The following MYT1L variants were observed in gnomAD, a reference collection of about 807,000 sequenced individuals.
MYT1L encodes myelin transcription factor 1-like protein.
A neutral mutation model predicts 126.7 loss-of-function variants in MYT1L; 12 were observed. The observed-to-expected ratio is 0.09, with a 90% CI of 0.06 to 0.15. The LOEUF is 0.15. MYT1L is among the 10% of genes least tolerant of loss of function. The probability of loss-of-function intolerance (pLI) is 1.00; values close to 1 mark genes in which losing one functional copy is unlikely to be tolerated. For synonymous variants in MYT1L, 541 were observed against 604.2 expected (o/e 0.90, Z 1.53); for missense variants, 979 against 1,585.2 (o/e 0.62, Z 6.49).
intron 2 of MYT1L, among the ~76,000 whole-genome samples, chr2:2,220,754 T>C (rs1022839372): frequency 4.6e-5 from 7 of 151,374 alleles, no homozygotes; most frequent in Non-Finnish European, 7.4e-5. Context: ...CAAGTCACGA[T>C]ATATATATAT....
At chr2:2,290,199 G>GT (rs944642766) in intron 1 of MYT1L, among the ~76,000 whole-genome samples, 29 of 152,304 alleles carry the variant, frequency 1.9e-4, no homozygotes, top group African/African-American at 6.7e-4. Context: ...ACTGTGCTCT[G>GT]TATATCTGAG....
At chr2:2,008,147 A>G (rs574744427) in intron 4 of MYT1L, among the ~76,000 whole-genome samples, 5 of 152,310 alleles carry the variant, frequency 3.3e-5, no homozygotes, top group Admixed American at 2.6e-4. Context: ...CTCAGTGCAC[A>G]GGGGGACCTT....
intron 3 of MYT1L, among the ~76,000 whole-genome samples, chr2:2,114,215 T>C (rs1020924470): frequency 5.3e-5 from 8 of 152,222 alleles, no homozygotes; most frequent in Admixed American, 2.0e-4. Flanking sequence ...GTGGTGCTAT[T>C]TCCTGGTATA....
In MYT1L at chr2:1,910,469, A is replaced by C; in HGVS notation, c.1710-122T>G. 1.2e-6 allele frequency: 1 copy of C among 825,052 alleles called. No individual in the cohort carries two copies. Among genetic ancestry groups the C allele is most frequent in the Non-Finnish European group, 2.0e-6 (1 of 510,938 alleles). The allele number at this position is 825,052 out of a possible 1,614,324, so 51.1% of individuals were successfully genotyped here. On this transcript the variant is annotated intron_variant, in intron 12 of 24. Coordinates refer to ENST00000647738, the MANE Select transcript of MYT1L (RefSeq NM_001303052.2). This position sits in a 1 kb window ranked among gnomAD's most constrained non-coding sequence, Gnocchi z 4.8. ...TGGTGAGGGAGGGGTAGTTTCCCAA[A>C]CCTGGCACAGGCAGTCCTGATGGGT...
intron 4 of MYT1L, among the ~76,000 whole-genome samples, chr2:2,017,806 T>C (rs1161098217): frequency 1.3e-5 from 2 of 152,218 alleles, no homozygotes; most frequent in Non-Finnish European, 2.9e-5. Context: ...ACTGTCTTCC[T>C]GTATGTGAAT....
chr2:1,857,636 A>T (rs1461323423), intron 18 of MYT1L, among the ~76,000 whole-genome samples: 2 of 152,176 alleles, frequency 1.3e-5, no homozygotes, highest in South Asian at 4.1e-4. Flanking sequence ...TATCCCCCGA[A>T]TTAAAACAAA....
intron 2 of MYT1L, among the ~76,000 whole-genome samples, chr2:2,191,298 G>A (rs914712529): frequency 6.6e-6 from 1 of 152,208 alleles, no homozygotes; most frequent in South Asian, 2.1e-4. Flanking sequence ...CAGGTCGCAG[G>A]AGAGGATAAC....
intron 9 of MYT1L, among the ~76,000 whole-genome samples, chr2:1,942,276 T>C (rs1417333014): frequency 6.6e-6 from 1 of 152,154 alleles, no homozygotes; most frequent in Non-Finnish European, 1.5e-5. Context: ...CGTCGGATAG[T>C]AACAGAACAC....
rs1239940296 is a variant in MYT1L at position 1,811,365 on chromosome 2, C to CTGGCGT, written c.3081-2199_3081-2198insACGCCA. On this transcript the variant is annotated intron_variant, in intron 21 of 24. Transcript: ENST00000647738. This position sits in a 1 kb window ranked among gnomAD's most constrained non-coding sequence, Gnocchi z 4.4. ...GACTTTAACCCCAGCGTCATCAGCTCCAGCATCATCAGCTCTGGCGTCATC... is the reference window on the plus strand; with the variant it reads ...GACTTTAACCCCAGCGTCATCAGCTCTGGCGTCAGCATCATCAGCTCTGGCGTCATC... 7.1e-4 allele frequency: 108 copies of CTGGCGT among 152,692 alleles called. No homozygotes were observed. Among genetic ancestry groups the CTGGCGT allele is most frequent in the African/African-American group, 2.5e-3 (103 of 41,564 alleles). The allele number at this position is 152,692 out of a possible 1,614,324, so 9.5% of individuals were successfully genotyped here.
In MYT1L at chr2:1,871,361, C is replaced by T. The variant is rs571447578; in HGVS notation, c.2711+15178G>A. ...TGGAAGCCGCCGCTGCTGGAGAATT[C>T]CGGGAGGGCCCCTCCTATCTCTGCT... On this transcript the variant is annotated intron_variant, in intron 18 of 24. Coordinates refer to ENST00000647738, the MANE Select transcript of MYT1L (RefSeq NM_001303052.2). Among the ~76,000 whole-genome samples the T allele has an allele frequency of 4.6e-5, 7 of 152,218 alleles. No homozygotes were observed. In the South Asian group the frequency reaches 1.0e-3, roughly 22 times the overall value.
At chr2:2,148,206 C>T (rs1340746271) in intron 3 of MYT1L, among the ~76,000 whole-genome samples, 3 of 152,192 alleles carry the variant, frequency 2.0e-5, no homozygotes, top group Non-Finnish European at 4.4e-5. Flanking sequence ...CAGTGCTCCC[C>T]AACCTTTTTG....
intron 15 of MYT1L, among the ~76,000 whole-genome samples, chr2:1,890,950 T>A (rs2048789539): frequency 7.1e-6 from 1 of 140,728 alleles, no homozygotes; most frequent in African/African-American, 2.7e-5. Flanking sequence ...ATTCTCTCAG[T>A]CTTAGTTTAA....
chr2:1,885,885 A>G (rs1311816172), intron 18 of MYT1L, among the ~76,000 whole-genome samples: 4 of 152,252 alleles, frequency 2.6e-5, no homozygotes, highest in Admixed American at 1.3e-4. Context: ...ACATCTAGAG[A>G]TGTCTATGTG....
intron 3 of MYT1L, among the ~76,000 whole-genome samples, chr2:2,070,504 A>G (rs2074474548): frequency 2.6e-5 from 4 of 152,192 alleles, no homozygotes; most frequent in Admixed American, 2.6e-4. Flanking sequence ...CTGGCTTGAT[A>G]CTGAGGTTTG....
chr2:1,918,219 T>C (rs2053121088), intron 10 of MYT1L, among the ~76,000 whole-genome samples: 1 of 152,202 alleles, frequency 6.6e-6, no homozygotes, highest in South Asian at 2.1e-4. Flanking sequence ...CTAATAAAAT[T>C]ATTTCTATAC....
At chr2:2,028,821 T>G (rs949132191) in intron 4 of MYT1L, among the ~76,000 whole-genome samples, 8 of 151,990 alleles carry the variant, frequency 5.3e-5, no homozygotes, top group African/African-American at 1.7e-4. Flanking sequence ...TACCATCCAA[T>G]GGGAGACGCA....
chr2:1,934,353 T>C (rs1436871556), intron 9 of MYT1L, among the ~76,000 whole-genome samples: 29 of 149,716 alleles, frequency 1.9e-4, no homozygotes, highest in Non-Finnish European at 1.5e-5. Context: ...ATATGACATG[T>C]ATTTTCTATA....
At chr2:1,833,734 G>A (rs1272590490) in intron 21 of MYT1L, among the ~76,000 whole-genome samples, 1 of 152,192 alleles carries the variant, frequency 6.6e-6, no homozygotes, top group Admixed American at 6.5e-5. Flanking sequence ...CTTAGACACT[G>A]CTTTTCTAGA....
intron 3 of MYT1L, among the ~76,000 whole-genome samples, chr2:2,161,253 T>C (rs371095659): frequency 6.6e-6 from 1 of 152,156 alleles, no homozygotes; most frequent in African/African-American, 2.4e-5. Flanking sequence ...TGTATTAATA[T>C]ATTTGTGAGA....
Sources: gnomAD v4.1 joint callset for allele counts (sites outside exome capture counted in the v4.1 genomes callset) on GRCh38, gnomAD v4.1.1 for gene constraint, Gnocchi (gnomAD v3.1) non-coding constraint, MANE v1.5 for transcripts, NCBI Gene and HGNC (gene_info 2026-07-23, HGNC 2026-07-21) for gene names.